The following ESR2 variants were observed in gnomAD, a reference collection of about 807,000 sequenced individuals.
ESR2 encodes estrogen receptor 2, also known as estrogen receptor beta.
ESR2 carries 36 observed loss-of-function variants against 49.6 expected under a neutral mutation model. That is an observed-to-expected ratio of 0.73 (90% CI 0.56 to 0.96). ESR2 has a LOEUF of 0.96. ESR2 is among the 40% of genes least tolerant of loss of function. The probability of loss-of-function intolerance (pLI) is 0.00; values close to 1 mark genes in which losing one functional copy is unlikely to be tolerated. For missense variants in ESR2, 714 were observed against 693.0 expected, an observed-to-expected ratio of 1.03 and a Z score of -0.34; for synonymous variants, 320 against 266.1, an observed-to-expected ratio of 1.20 and a Z score of -1.97.
At chr14:64,305,153 T>C (rs2077073638) in intron 1 of ESR2, among the ~76,000 whole-genome samples, 1 of 149,984 alleles carries the variant, frequency 6.7e-6, no homozygotes, top group Non-Finnish European at 1.5e-5. Context: ...TAGCCGGGCG[T>C]GGTGGCGGGC....
At position 64,251,959 on chromosome 14, in the gene ESR2, A is replaced by G. The variant is rs577641212; in HGVS notation, c.1092-2280T>C. On this transcript the variant is annotated intron_variant, in intron 6 of 8. Coordinates refer to ENST00000341099, the MANE Select transcript of ESR2 (RefSeq NM_001437.3). The stretch of plus-strand genomic sequence containing the variant: ...TAATGACATCTATTTTATTTATTTT[A>G]TAATTTTAGATTGAAACTGAATTAT... Among the ~76,000 whole-genome samples the G allele has an allele frequency of 3.3e-5, 5 of 152,372 alleles. No individual in the cohort carries two copies. The East Asian group carries it at 9.6e-4, about 29-fold the overall frequency.
intron 7 of ESR2, 113 bp from the exon 8 acceptor site, chr14:64,235,263 C>T: frequency 9.3e-7 from 1 of 1,080,362 alleles, no homozygotes; most frequent in Middle Eastern, 2.7e-4. Flanking sequence ...TTGACAGCTG[C>T]ATGTGTGGCA....
chr14:64,238,619 C>G (rs1031585141), intron 7 of ESR2, among the ~76,000 whole-genome samples: 2 of 152,174 alleles, frequency 1.3e-5, no homozygotes, highest in African/African-American at 4.8e-5. Flanking sequence ...GGACAAGATC[C>G]AAAGCTCTGC....
intron 1 of ESR2, among the ~76,000 whole-genome samples, chr14:64,326,455 A>G (rs2077391430): frequency 6.6e-6 from 1 of 152,150 alleles, no homozygotes; most frequent in Admixed American, 6.6e-5. Context: ...ATTATTTATT[A>G]TTCTAATATT....
chr14:64,257,540 C>T (rs985113189), intron 5 of ESR2, 176 bp from the exon 6 acceptor site: 11 of 756,446 alleles, frequency 1.5e-5, no homozygotes, highest in South Asian at 2.0e-5. Flanking sequence ...AGTTAAGCTG[C>T]GCAACTTAGT....
chr14:64,248,586 T>C (rs2075918297), intron 7 of ESR2, among the ~76,000 whole-genome samples: 1 of 152,022 alleles, frequency 6.6e-6, no homozygotes, highest in African/African-American at 2.4e-5. Context: ...AGGGCAGGTA[T>C]TCCTGATGAT....
At chr14:64,270,971 T>C (rs2076434225) in intron 3 of ESR2, among the ~76,000 whole-genome samples, 1 of 152,250 alleles carries the variant, frequency 6.6e-6, no homozygotes, top group Admixed American at 6.5e-5. Context: ...GTATATGAAG[T>C]ACAACGATGT....
At chr14:64,237,939 T>C (rs921112541) in intron 7 of ESR2, among the ~76,000 whole-genome samples, 1 of 151,308 alleles carries the variant, frequency 6.6e-6, no homozygotes, top group South Asian at 2.1e-4. Flanking sequence ...ATGAAAATGT[T>C]CTAAAATTGA....
chr14:64,305,445 C>A (rs978182750), intron 1 of ESR2, among the ~76,000 whole-genome samples: 1 of 150,678 alleles, frequency 6.6e-6, no homozygotes, highest in South Asian at 2.1e-4. Context: ...CCAAGGCGGG[C>A]GGATCACGAG....
rs984824963 is a variant in ESR2 at position 64,260,608 on chromosome 14, G to A, written c.793C>T (p.Pro265Ser). The A allele has an allele frequency of 2.5e-6, 4 of 1,610,884 alleles. No homozygotes were observed. The highest frequency in any genetic ancestry group is 2.5e-6 in the Non-Finnish European group (3 of 1,178,308). The change falls in exon 5 of 9, where the codon CCC becomes TCC. Residue 265 changes from proline (P) to serine (S), a missense_variant. Transcript: ENST00000341099. ...VRELLLDALS[P>S]EQLVLTLLEA... Reference sequence around the variant, plus strand: ...AGGAGGGTGAGCACTAGCTGCTCGGGGCTCAGGGCGTCCAGCAGCAGCTCC... The same window carrying A: ...AGGAGGGTGAGCACTAGCTGCTCGGAGCTCAGGGCGTCCAGCAGCAGCTCC...
At chr14:64,280,213 A>AG (rs1007658325) in intron 2 of ESR2, 60 bp from the exon 3 acceptor site, 19 of 1,170,860 alleles carry the variant, frequency 1.6e-5, no homozygotes, top group African/African-American at 1.5e-4. Context: ...AGGGCTTTCT[A>AG]GGAAAAAAAA....
chr14:64,306,812 A>G (rs2077106078), intron 1 of ESR2, among the ~76,000 whole-genome samples: 1 of 152,206 alleles, frequency 6.6e-6, no homozygotes, highest in Admixed American at 6.5e-5. Flanking sequence ...GAAGTATTCC[A>G]TTGGCTTCCA....
chr14:64,329,572 C>G (rs1490286811), intron 1 of ESR2: 1 of 150,432 alleles, frequency 6.6e-6, no homozygotes, highest in East Asian at 2.0e-4. Flanking sequence ...CACTTGAGCT[C>G]AAGACCAGCC....
chr14:64,270,044 G>A lies in ESR2; in HGVS notation c.536-1133C>T, dbSNP rs927105814. Among the ~76,000 whole-genome samples, 9 of 152,164 alleles carry A rather than the reference G, an allele frequency of 5.9e-5. 1 individual carries two copies. In the South Asian group the frequency reaches 1.9e-3, roughly 32 times the overall value. ...AAATAGAAATTATAATAAAATAGAT[G>A]AGAAGCAAAAGTGAAAGTGAATAGG... is the stretch of plus-strand genomic sequence containing the variant. On this transcript the variant is annotated intron_variant, in intron 3 of 8. Transcript: ENST00000341099.
chr14:64,294,186 C>T lies in ESR2; in HGVS notation c.-244G>A, dbSNP rs1484924921. On this transcript the variant is annotated 5_prime_UTR_variant, in exon 1 of 9. Coordinates refer to ENST00000341099, the MANE Select transcript of ESR2 (RefSeq NM_001437.3). ...TCAGGCTCCGGGCGCCAGCCCTGCC[C>T]CGCAGCCCCAGAGCCCGTCGCAGCT... The T allele has an allele frequency of 6.6e-6, 1 of 152,322 alleles. No homozygotes were observed. The highest frequency in any genetic ancestry group is 1.5e-5 in the Non-Finnish European group (1 of 68,098). The allele number at this position is 152,322 out of a possible 1,614,324, so 9.4% of individuals were successfully genotyped here. A position where few individuals can be genotyped will look rare whatever the true frequency, so the allele number is the denominator to read the frequency against.
At chr14:64,304,623 C>T (rs1159402071) in intron 1 of ESR2, among the ~76,000 whole-genome samples, 1 of 152,118 alleles carries the variant, frequency 6.6e-6, no homozygotes, top group East Asian at 1.9e-4. Flanking sequence ...ACCTCCAACG[C>T]TTTGGGAGGC....
rs781340136 is a variant in ESR2 at position 64,233,184 on chromosome 14, C to T, written c.1546G>A (p.Glu516Lys). Residue 516 changes from glutamate to lysine, a missense_variant, in exon 9 of 9, where the codon GAG (glutamate) becomes AAG (lysine). Physicochemically the swap from Glu to Lys is moderately conservative, Grantham distance 56. Transcript: ENST00000341099. ...SITGSECSPA[E>K]DSKSKEGSQN... The stretch of plus-strand genomic sequence containing the variant: ...GAGCCCTCTTTGCTTTTACTGTCCT[C>T]TGCCGGGCTGCACTCGGACCCCGTG... The T allele has an allele frequency of 6.9e-5, 112 of 1,614,050 alleles. 3 individuals are homozygous for T. The South Asian group carries it at 1.2e-3, about 17-fold the overall frequency.
chr14:64,228,930 A>G lies in ESR2; in HGVS notation c.*4207T>C, dbSNP rs771905617. Among the ~76,000 whole-genome samples, 25 of 152,230 alleles carry G rather than the reference A, an allele frequency of 1.6e-4. No homozygotes were observed. The highest frequency in any genetic ancestry group is 3.7e-4 in the Non-Finnish European group (25 of 68,028). ...ATTCCAGCAAGTTTGAGAGCTATAA[A>G]GAATAAGTGGCACGTGTTTTCACAC... On this transcript the variant is annotated 3_prime_UTR_variant, in exon 9 of 9. Transcript: ENST00000341099.
At chr14:64,267,203 A>G (rs1193466626) in intron 4 of ESR2, among the ~76,000 whole-genome samples, 2 of 152,180 alleles carry the variant, frequency 1.3e-5, no homozygotes, top group East Asian at 1.9e-4. Flanking sequence ...ACAGAAAAAA[A>G]CCAAACTTGT....
Sources: gnomAD v4.1 joint callset for allele counts (sites outside exome capture counted in the v4.1 genomes callset) on GRCh38, gnomAD v4.1.1 for gene constraint, MANE v1.5 for transcripts, NCBI Gene and HGNC (gene_info 2026-07-23, HGNC 2026-07-21) for gene names.